Variants in CIMIP6 observed in about 807,000 individuals in gnomAD.
CIMIP6 encodes the protein uncharacterized protein C2orf73.
the CIMIP6 span, among the ~76,000 whole-genome samples, chr2:54,353,632 G>C: frequency 6.6e-6 from 1 of 152,118 alleles, no homozygotes; most frequent in African/African-American, 2.4e-5. Flanking sequence ...ATGCTCCTTA[G>C]ATTATTGCAT....
the CIMIP6 span, among the ~76,000 whole-genome samples, chr2:54,356,532 A>G: frequency 4.0e-5 from 6 of 151,870 alleles, no homozygotes; most frequent in African/African-American, 1.5e-4. Context: ...GGTTTCTCAC[A>G]GTTTTTTTTT....
chr2:54,356,558 T>C, the CIMIP6 span, among the ~76,000 whole-genome samples: 1 of 152,220 alleles, frequency 6.6e-6, no homozygotes, highest in Non-Finnish European at 1.5e-5. Flanking sequence ...CTCCGGTTCC[T>C]GCTTCCTTTT....
chr2:54,344,974 C>T, the CIMIP6 span, among the ~76,000 whole-genome samples: 1 of 152,076 alleles, frequency 6.6e-6, no homozygotes, highest in Admixed American at 6.6e-5. Context: ...TTGCCAGGCA[C>T]TTTATGGAAC....
chr2:54,336,628 A>C, the CIMIP6 span, among the ~76,000 whole-genome samples: 1,491 of 152,346 alleles, frequency 9.8e-3, 29 homozygotes, highest in African/African-American at 0.034. Flanking sequence ...TCCTGTCCTT[A>C]CATAGCTTAC....
chr2:54,362,211 G>T, the CIMIP6 span, among the ~76,000 whole-genome samples: 1,961 of 152,054 alleles, frequency 0.013, 54 homozygotes, highest in African/African-American at 0.045. Context: ...CACAAAAAAG[G>T]AATCCCTGTT....
At chr2:54,353,102 C>G in the CIMIP6 span, among the ~76,000 whole-genome samples, 1 of 152,100 alleles carries the variant, frequency 6.6e-6, no homozygotes, top group African/African-American at 2.4e-5. Flanking sequence ...ATGTAGATCT[C>G]CTTGCAGTAG....
At chr2:54,377,694 T>A in the CIMIP6 span, among the ~76,000 whole-genome samples, 1 of 152,156 alleles carries the variant, frequency 6.6e-6, no homozygotes, top group African/African-American at 2.4e-5. Flanking sequence ...CATAGGTATG[T>A]TTGTGTGGCA....
the CIMIP6 span, chr2:54,360,177 A>C: frequency 6.6e-7 from 1 of 1,517,674 alleles, no homozygotes; most frequent in Middle Eastern, 1.8e-4. Flanking sequence ...TCTCCTGGTT[A>C]ATGTCGACTT....
At chr2:54,371,517 G>A in the CIMIP6 span, among the ~76,000 whole-genome samples, 536 of 152,306 alleles carry the variant, frequency 3.5e-3, 2 homozygotes, top group African/African-American at 0.012. Flanking sequence ...TGGCCCTGGG[G>A]AAAGGGCTAT....
the CIMIP6 span, among the ~76,000 whole-genome samples, chr2:54,345,838 C>G: frequency 6.6e-6 from 1 of 152,150 alleles, no homozygotes. Flanking sequence ...AATTGCAAAA[C>G]AGTCATCATC....
the CIMIP6 span, among the ~76,000 whole-genome samples, chr2:54,369,357 C>G: frequency 6.6e-6 from 1 of 152,138 alleles, no homozygotes; most frequent in Non-Finnish European, 1.5e-5. Flanking sequence ...AGACCAAACG[C>G]TGAAAAATCT....
the CIMIP6 span, among the ~76,000 whole-genome samples, chr2:54,345,212 T>G: frequency 6.6e-6 from 1 of 152,252 alleles, no homozygotes; most frequent in South Asian, 2.1e-4. Context: ...AGGGGAGCCT[T>G]CATAAGGAAA....
the CIMIP6 span, among the ~76,000 whole-genome samples, chr2:54,346,632 C>T: frequency 6.6e-6 from 1 of 152,268 alleles, no homozygotes; most frequent in African/African-American, 2.4e-5. Flanking sequence ...CATTATAAAA[C>T]TCTCTCCTTT....
At chr2:54,348,075 T>C in the CIMIP6 span, among the ~76,000 whole-genome samples, 3 of 152,222 alleles carry the variant, frequency 2.0e-5, no homozygotes, top group Non-Finnish European at 2.9e-5. Context: ...GAAATGCACA[T>C]TGAATTTGCC....
chr2:54,363,645 T>A, the CIMIP6 span, among the ~76,000 whole-genome samples: 125 of 151,784 alleles, frequency 8.2e-4, 1 homozygote, highest in African/African-American at 2.8e-3. Flanking sequence ...AAAATTTATT[T>A]AAAAATTTTT....
chr2:54,376,390 G>A, the CIMIP6 span, among the ~76,000 whole-genome samples: 16 of 152,200 alleles, frequency 1.1e-4, no homozygotes, highest in South Asian at 2.1e-4. Context: ...TCCTGTCGTC[G>A]TAAGTACCAA....
At chr2:54,374,709 C>G in the CIMIP6 span, among the ~76,000 whole-genome samples, 1 of 151,960 alleles carries the variant, frequency 6.6e-6, no homozygotes, top group Non-Finnish European at 1.5e-5. Context: ...TAACAGATTT[C>G]TAATTCTCTT....
At chr2:54,382,046 C>T in the CIMIP6 span, 1 of 1,440,130 alleles carries the variant, frequency 6.9e-7, no homozygotes, top group African/African-American at 1.5e-5. Flanking sequence ...AGTTAGGTAG[C>T]TCACTCCCTA....
At chr2:54,377,837 C>T in the CIMIP6 span, among the ~76,000 whole-genome samples, 1 of 152,134 alleles carries the variant, frequency 6.6e-6, no homozygotes, top group South Asian at 2.1e-4. Context: ...TTTCATTAAC[C>T]TTTAAGCCTT....
Sources: allele counts gnomAD v4.1 joint callset (sites outside exome capture counted in the v4.1 genomes callset), GRCh38; gene constraint gnomAD v4.1.1; transcripts MANE v1.5; gene names NCBI Gene and HGNC (gene_info 2026-07-23, HGNC 2026-07-21).